Variants in PTPRD observed in about 807,000 individuals in gnomAD.
PTPRD encodes receptor-type tyrosine-protein phosphatase delta.
Under a neutral mutation model 214.5 loss-of-function variants are expected in PTPRD, and 34 were observed. The ratio of observed to expected loss-of-function variants is 0.16; its 90% CI spans 0.12 to 0.21. PTPRD has a LOEUF of 0.21. Among genes scored for constraint, PTPRD ranks in the 10% least tolerant of loss-of-function variants. The pLI, the probability that PTPRD is intolerant of heterozygous loss-of-function variation, is 1.00. For synonymous variants in PTPRD, 1,128 were observed against 845.7 expected (o/e 1.33, Z -5.79); for missense variants, 2,545 against 2,398.7 (o/e 1.06, Z -1.27).
chr9:9,410,966 C>T (rs1247683719), intron 8 of PTPRD, among the ~76,000 whole-genome samples: 3 of 152,096 alleles, frequency 2.0e-5, no homozygotes, highest in Non-Finnish European at 2.9e-5. Context: ...TGGGCGCGTG[C>T]CTGCCTTCAT....
intron 4 of PTPRD, among the ~76,000 whole-genome samples, chr9:9,993,421 A>T (rs2096016334): frequency 6.6e-6 from 1 of 152,190 alleles, no homozygotes; most frequent in African/African-American, 2.4e-5. Context: ...ATTAGTAGTT[A>T]AAGGGATAAG....
chr9:8,717,715 C>G (rs1730752708), intron 12 of PTPRD, among the ~76,000 whole-genome samples: 1 of 152,274 alleles, frequency 6.6e-6, no homozygotes, highest in Admixed American at 6.5e-5. Context: ...GGTGTGGGGC[C>G]TACATGTCTA....
intron 9 of PTPRD, among the ~76,000 whole-genome samples, chr9:9,288,601 G>T (rs1344657208): frequency 6.6e-6 from 1 of 151,760 alleles, no homozygotes; most frequent in Non-Finnish European, 1.5e-5. Flanking sequence ...ATTGAATCAA[G>T]GTATCTGTAT....
At chr9:9,462,658 C>A (rs912605679) in intron 8 of PTPRD, among the ~76,000 whole-genome samples, 1 of 152,098 alleles carries the variant, frequency 6.6e-6, no homozygotes, top group African/African-American at 2.4e-5. Context: ...TATGTTCAAG[C>A]CCCTTCTTTA....
chr9:8,493,279 A>G (rs1437884525), intron 26 of PTPRD, among the ~76,000 whole-genome samples: 1 of 152,184 alleles, frequency 6.6e-6, no homozygotes, highest in African/African-American at 2.4e-5. Context: ...GCTTGGACAG[A>G]CCAAGTATGT....
intron 12 of PTPRD, among the ~76,000 whole-genome samples, chr9:8,696,876 T>C (rs1343084782): frequency 2.0e-5 from 3 of 152,178 alleles, no homozygotes; most frequent in Non-Finnish European, 4.4e-5. Context: ...CCTGCCAGAA[T>C]TGTCGACAAA....
chr9:8,373,436 T>C (rs1005272896), intron 39 of PTPRD, among the ~76,000 whole-genome samples: 11 of 152,056 alleles, frequency 7.2e-5, no homozygotes, highest in African/African-American at 2.7e-4. Flanking sequence ...CTTCCACCAA[T>C]ATACCTACTC....
chr9:8,329,011 G>A (rs1836895535), intron 44 of PTPRD, among the ~76,000 whole-genome samples: 1 of 151,990 alleles, frequency 6.6e-6, no homozygotes, highest in Admixed American at 6.6e-5. Context: ...TATTACCCAC[G>A]TTCTGAAGCT....
At chr9:8,550,081 G>C (rs2081549004) in intron 14 of PTPRD, among the ~76,000 whole-genome samples, 1 of 152,082 alleles carries the variant, frequency 6.6e-6, no homozygotes, top group African/African-American at 2.4e-5. Context: ...AGAACAAATA[G>C]AAGACTTGTT....
At chr9:10,076,774 G>A (rs1173941603) in intron 3 of PTPRD, among the ~76,000 whole-genome samples, 1 of 152,088 alleles carries the variant, frequency 6.6e-6, no homozygotes, top group Non-Finnish European at 1.5e-5. Context: ...AGAAAATCAC[G>A]CTGACATGCT....
intron 11 of PTPRD, among the ~76,000 whole-genome samples, chr9:8,836,491 T>C (rs933430018): frequency 8.8e-5 from 13 of 148,400 alleles, no homozygotes; most frequent in African/African-American, 2.9e-4. Flanking sequence ...AAATCCATCC[T>C]AACAAAAAAT....
intron 10 of PTPRD, among the ~76,000 whole-genome samples, chr9:9,043,840 G>A (rs560572625): frequency 3.3e-5 from 5 of 151,600 alleles, no homozygotes; most frequent in Admixed American, 1.3e-4. Flanking sequence ...GGAGGCGGAG[G>A]TTGCAACCAG....
rs1588047842 is a variant in PTPRD, at chr9:9,980,057, T to C, written c.-471-41447A>G. Reference sequence around the variant, plus strand: ...TAGGAAAATACTTTGTAAACCACAATTGAGAAAATATTTATTAAACAAGAA... The same window carrying C: ...TAGGAAAATACTTTGTAAACCACAACTGAGAAAATATTTATTAAACAAGAA... On this transcript the variant is annotated intron_variant, in intron 4 of 45. Coordinates refer to ENST00000381196, the MANE Select transcript of PTPRD (RefSeq NM_002839.4). Among the ~76,000 whole-genome samples the C allele has an allele frequency of 2.0e-5, 3 of 152,152 alleles. No homozygotes were observed. In the South Asian group the frequency reaches 6.2e-4, roughly 32 times the overall value.
chr9:10,054,808 T>G (rs1169154922), intron 3 of PTPRD, among the ~76,000 whole-genome samples: 2 of 152,080 alleles, frequency 1.3e-5, no homozygotes, highest in Admixed American at 1.3e-4. Context: ...GGAATAGTCT[T>G]AAAGAAAGTC....
Position 8,636,629 on chromosome 9 carries a change from A to G in PTPRD, c.210+70T>C, listed in dbSNP as rs549035310. The G allele has an allele frequency of 8.6e-5, 134 of 1,554,246 alleles. No individual in the cohort carries two copies. The East Asian group carries it at 2.9e-3, about 33-fold the overall frequency. ...ACCTTTTATCAGAGTAAAGCAAGCA[A>G]GTAACGTAGAAACCAAAGACAGAGC... On this transcript the variant is annotated intron_variant, in intron 13 of 45. Coordinates refer to ENST00000381196, the MANE Select transcript of PTPRD (RefSeq NM_002839.4).
At chr9:10,070,191 G>A (rs892183639) in intron 3 of PTPRD, among the ~76,000 whole-genome samples, 1 of 152,028 alleles carries the variant, frequency 6.6e-6, no homozygotes, top group Non-Finnish European at 1.5e-5. Context: ...TTCTGGCTTA[G>A]GCAATAAACT....
intron 10 of PTPRD, among the ~76,000 whole-genome samples, chr9:9,035,474 T>C (rs1271183071): frequency 1.3e-5 from 2 of 152,068 alleles, no homozygotes; most frequent in African/African-American, 4.8e-5. Context: ...CAATTTTCCA[T>C]GGGAAGGCAG....
Position 9,248,096 on chromosome 9 carries a change from A to AT in PTPRD, c.-202-64734dup, listed in dbSNP as rs200841402. On this transcript the variant is annotated intron_variant, in intron 9 of 45. Coordinates refer to ENST00000381196, the MANE Select transcript of PTPRD (RefSeq NM_002839.4). ...ATGAGCTCCTAAGTTATCTATTATT[A>AT]TTTTTTTTTAATTTGAGACAGGGTC... 6.2e-3 allele frequency among the ~76,000 whole-genome samples: 934 copies of AT among 150,854 alleles called. 10 individuals carry two copies. The highest frequency in any genetic ancestry group is 0.021 in the African/African-American group (867 of 41,100).
chr9:9,589,248 C>CA (rs1415399213), intron 7 of PTPRD, among the ~76,000 whole-genome samples: 1 of 151,694 alleles, frequency 6.6e-6, no homozygotes. Context: ...ATACAGCAGA[C>CA]AAAATCAGTA....
Sources: gnomAD v4.1 joint callset for allele counts (sites outside exome capture counted in the v4.1 genomes callset) on GRCh38, gnomAD v4.1.1 for gene constraint, MANE v1.5 for transcripts, NCBI Gene and HGNC (gene_info 2026-07-23, HGNC 2026-07-21) for gene names.